The following KIF16B variants were observed in gnomAD, a reference collection of about 807,000 sequenced individuals.
KIF16B encodes the protein kinesin-like protein KIF16B.
A neutral mutation model predicts 156.3 loss-of-function variants in KIF16B; 98 were observed. That is an observed-to-expected ratio of 0.63 (90% CI 0.53 to 0.74). KIF16B has a LOEUF of 0.74. Among genes scored for constraint, KIF16B ranks in the 30% least tolerant of loss-of-function variants. The pLI, the probability that KIF16B is intolerant of heterozygous loss-of-function variation, is 0.00. For missense variants in KIF16B, 1,421 were observed against 1,606.5 expected (o/e 0.88, Z 1.97); for synonymous variants, 564 against 583.7 (o/e 0.97, Z 0.49).
intron 15 of KIF16B, 26 bp from the exon 16 acceptor site, chr20:16,406,482 A>T: frequency 5.6e-6 from 9 of 1,599,498 alleles, no homozygotes; most frequent in Non-Finnish European, 7.7e-6. Flanking sequence ...AACAGTAATG[A>T]ATTTACAGTA....
At chr20:16,474,823 C>T (rs112985964) in intron 12 of KIF16B, among the ~76,000 whole-genome samples, 3 of 152,330 alleles carry the variant, frequency 2.0e-5, no homozygotes, top group African/African-American at 4.8e-5. Context: ...AAAACAGAGA[C>T]AACTTCTAAC....
chr20:16,532,160 T>C (rs374575583), intron 1 of KIF16B, among the ~76,000 whole-genome samples: 3 of 139,966 alleles, frequency 2.1e-5, no homozygotes, highest in African/African-American at 8.1e-5. Flanking sequence ...GCTAATATTG[T>C]AGGTATGATA....
In KIF16B at chr20:16,368,548, A is replaced by G. The variant is rs544118203; in HGVS notation, c.3498+2038T>C. On this transcript the variant is annotated intron_variant, in intron 22 of 25. Coordinates refer to ENST00000354981, the MANE Select transcript of KIF16B (RefSeq NM_024704.5). ...GATCACCTTTGTGCCAGCCTGAAGC[A>G]GGTGACTGCTGGTATCTTTATAAAG... is the stretch of plus-strand genomic sequence containing the variant. 2,626 of 986,000 alleles carry G rather than the reference A, an allele frequency of 2.7e-3. 2 individuals are homozygous for G. The highest frequency in any genetic ancestry group is 7.1e-3 in the Admixed American group (115 of 16,294). The allele number at this position is 986,000 out of a possible 1,614,324, so 61.1% of individuals were successfully genotyped here.
chr20:16,555,083 G>T (rs2070799150), intron 1 of KIF16B, among the ~76,000 whole-genome samples: 1 of 152,192 alleles, frequency 6.6e-6, no homozygotes, highest in Non-Finnish European at 1.5e-5. Context: ...TTGGGCAAAG[G>T]TGCCACTGGC....
chr20:16,506,555 G>A (rs531160514), intron 7 of KIF16B, among the ~76,000 whole-genome samples: 1 of 152,106 alleles, frequency 6.6e-6, no homozygotes, highest in African/African-American at 2.4e-5. Context: ...AAGAACAAAA[G>A]CTTTCCAAAA....
At chr20:16,529,826 C>T (rs1310187980) in intron 1 of KIF16B, among the ~76,000 whole-genome samples, 1 of 152,166 alleles carries the variant, frequency 6.6e-6, no homozygotes, top group Non-Finnish European at 1.5e-5. Context: ...TGGCGCATGC[C>T]TGTAATCCCA....
intron 24 of KIF16B, among the ~76,000 whole-genome samples, chr20:16,320,271 C>G (rs1033172630): frequency 2.6e-5 from 4 of 152,116 alleles, no homozygotes; most frequent in Non-Finnish European, 4.4e-5. Flanking sequence ...CAATCTACCT[C>G]AATTCCTTTT....
intron 13 of KIF16B, 47 bp from the exon 14 acceptor site, chr20:16,429,051 T>G: frequency 3.6e-5 from 52 of 1,439,612 alleles, no homozygotes; most frequent in Non-Finnish European, 4.6e-5. Flanking sequence ...AGAGAAGGAA[T>G]AGCTTGTTTC....
At chr20:16,302,576 A>T (rs2063488486) in intron 25 of KIF16B, among the ~76,000 whole-genome samples, 1 of 152,150 alleles carries the variant, frequency 6.6e-6, no homozygotes, top group Admixed American at 6.6e-5. Flanking sequence ...GAGTGAGTTG[A>T]ATCTATAGAC....
Position 16,378,858 on chromosome 20 carries a change from C to T in KIF16B, c.3144G>A (p.Gly1048=). ...GCTCAGCCTCCAGGCTAGCCTGGAG[C>T]CCTGACTGCTCTCTGCTGCCACTGT... ...SLNSGSREQS[G]LQASLEAEQE... is the part of the protein sequence containing the mutation. The change falls in exon 19 of 26, where the codon GGG becomes GGA. Residue 1048 remains glycine (G), a synonymous_variant. Transcript: ENST00000354981. 1.2e-6 allele frequency: 2 copies of T among 1,614,010 alleles called. No individual in the cohort carries two copies. The highest frequency in any genetic ancestry group is 1.7e-6 in the Non-Finnish European group (2 of 1,179,932).
At chr20:16,302,619 TGA>T (rs1326680379) in intron 25 of KIF16B, among the ~76,000 whole-genome samples, 2 of 152,184 alleles carry the variant, frequency 1.3e-5, no homozygotes, top group Admixed American at 1.3e-4. Context: ...CTAACAGTGT[TGA>T]GTCTTCCTAC....
chr20:16,475,748 A>G (rs991571874), intron 12 of KIF16B, among the ~76,000 whole-genome samples: 3 of 152,260 alleles, frequency 2.0e-5, no homozygotes, highest in African/African-American at 7.2e-5. Context: ...AGTGGCAAAT[A>G]CAAGTAAATG....
chr20:16,540,347 C>T (rs143460136), intron 1 of KIF16B, among the ~76,000 whole-genome samples: 1 of 149,996 alleles, frequency 6.7e-6, no homozygotes, highest in Non-Finnish European at 1.5e-5. Flanking sequence ...ATAAACATTT[C>T]ACTGTTGGAA....
In KIF16B at chr20:16,515,495, G is replaced by A; in HGVS notation, c.348+53C>T. The A allele has an allele frequency of 3.2e-6, 3 of 928,208 alleles. No individual in the cohort carries two copies. The South Asian group carries it at 4.0e-5, about 12-fold the overall frequency. 57.5% of individuals were successfully genotyped at this position (928,208 alleles called of 1,614,324 possible). A position where few individuals can be genotyped will look rare whatever the true frequency, so the allele number is the denominator to read the frequency against. ...ATAGATAAAAGAGATCATTCTACCA[G>A]TCCAGAGAAAGATAATGAGAAATTT... On this transcript the variant is annotated intron_variant, in intron 4 of 25. Coordinates refer to ENST00000354981, the MANE Select transcript of KIF16B (RefSeq NM_024704.5).
At chr20:16,385,546 A>T (rs2065209768) in intron 17 of KIF16B, among the ~76,000 whole-genome samples, 1 of 152,208 alleles carries the variant, frequency 6.6e-6, no homozygotes. Context: ...GTAAAGGCTG[A>T]AGAATGTAAC....
At chr20:16,549,640 A>T (rs1399411226) in intron 1 of KIF16B, among the ~76,000 whole-genome samples, 12 of 151,750 alleles carry the variant, frequency 7.9e-5, no homozygotes, top group Admixed American at 1.3e-4. Context: ...TACTGGTACC[A>T]AAACAGAGAT....
intron 12 of KIF16B, among the ~76,000 whole-genome samples, chr20:16,436,470 G>C (rs2066643725): frequency 6.6e-6 from 1 of 152,156 alleles, no homozygotes; most frequent in Non-Finnish European, 1.5e-5. Flanking sequence ...ACAAGAGAGA[G>C]TCAGCTCAGC....
Position 16,427,157 on chromosome 20 carries a change from G to A in KIF16B, c.1559C>T (p.Ser520Phe). Residue 520 changes from serine (S) to phenylalanine (F), a missense_variant, in exon 15 of 26, where the codon TCC becomes TTC. Coordinates refer to ENST00000354981, the MANE Select transcript of KIF16B (RefSeq NM_024704.5). ...GTVTLIPLSG[S>F]QCSVNGVQIV... ...CTGAACACCATTCACAGAGCACTGG[G>A]ACCCACTCAGGGGTATCAGAGTCAC... 6.2e-7 allele frequency: 1 copy of A among 1,612,778 alleles called. No homozygotes were observed.
intron 1 of KIF16B, among the ~76,000 whole-genome samples, chr20:16,567,479 T>C (rs1316546844): frequency 6.6e-6 from 1 of 152,148 alleles, no homozygotes; most frequent in Non-Finnish European, 1.5e-5. Context: ...TGATCGGCAT[T>C]TCCCTGAGGC....
Sources: gnomAD v4.1 joint callset for allele counts (sites outside exome capture counted in the v4.1 genomes callset) on GRCh38, gnomAD v4.1.1 for gene constraint, MANE v1.5 for transcripts, NCBI Gene and HGNC (gene_info 2026-07-23, HGNC 2026-07-21) for gene names.